EIF5A2: variants seen among roughly 807,000 people sequenced by gnomAD.
EIF5A2 encodes eukaryotic translation initiation factor 5A2, also known as eukaryotic translation initiation factor 5A-2.
EIF5A2 carries 15 observed loss-of-function variants against 16.4 expected under a neutral mutation model. That is an observed-to-expected ratio of 0.92 (90% CI 0.61 to 1.41). The LOEUF is 1.41. Ranked by LOEUF, EIF5A2 falls within the 40% of genes most tolerant of loss-of-function variation. EIF5A2 has a pLI of 0.00. For synonymous variants in EIF5A2, 48 were observed against 61.1 expected (o/e 0.79, Z 1.00); for missense variants, 144 against 189.5 (o/e 0.76, Z 1.41).
Position 170,891,376 on chromosome 3 carries a change from C to A in EIF5A2, c.*1984G>T, listed in dbSNP as rs998611765. On this transcript the variant is annotated 3_prime_UTR_variant, in exon 5 of 5. Transcript: ENST00000295822. ...TAATTTTAATTGTGCTTTAGATGGG[C>A]AAAAGCTAAAATGTTGTAGGAAAGA... The A allele has an allele frequency of 5.9e-5, 9 of 152,560 alleles. No homozygotes were observed. Among genetic ancestry groups the A allele is most frequent in the African/African-American group, 1.9e-4 (8 of 41,438 alleles). 9.5% of individuals were successfully genotyped at this position (152,560 alleles called of 1,614,324 possible). A position where few individuals can be genotyped will look rare whatever the true frequency, so the allele number is the denominator to read the frequency against.
chr3:170,904,944 A>G (rs1712901154), intron 3 of EIF5A2, among the ~76,000 whole-genome samples: 1 of 152,206 alleles, frequency 6.6e-6, no homozygotes, highest in African/African-American at 2.4e-5. Flanking sequence ...TCACACAGCT[A>G]TTAAGTGCCA....
At position 170,890,937 on chromosome 3, in the gene EIF5A2, T is replaced by A. The variant is rs1712518948; in HGVS notation, c.*2423A>T. 1 of 152,582 alleles carries A rather than the reference T, an allele frequency of 6.6e-6. No homozygotes were observed. Among genetic ancestry groups the A allele is most frequent in the Admixed American group, 6.5e-5 (1 of 15,268 alleles). The allele number at this position is 152,582 out of a possible 1,614,324, so 9.5% of individuals were successfully genotyped here. A position where few individuals can be genotyped will look rare whatever the true frequency, so the allele number is the denominator to read the frequency against. On this transcript the variant is annotated 3_prime_UTR_variant, in exon 5 of 5. Coordinates refer to ENST00000295822, the MANE Select transcript of EIF5A2 (RefSeq NM_020390.6). ...TCTATTGACTTATGTGAAAATAAAG[T>A]CCCATATCTTTAAAATCTATACTTA...
At chr3:170,896,025 T>A (rs1271594531) in intron 3 of EIF5A2, among the ~76,000 whole-genome samples, 1 of 152,242 alleles carries the variant, frequency 6.6e-6, no homozygotes, top group Non-Finnish European at 1.5e-5. Flanking sequence ...ATCTTTCTGA[T>A]TTCTGTTCTT....
chr3:170,901,222 GT>G (rs1290764517), intron 3 of EIF5A2, among the ~76,000 whole-genome samples: 2 of 152,280 alleles, frequency 1.3e-5, no homozygotes, highest in East Asian at 3.9e-4. Context: ...AATCACACTG[GT>G]AATTGTTGAA....
rs1247778629 is a variant in EIF5A2, at chr3:170,889,255, T to A, written c.*4105A>T. ...CAGGCACTTGACCTCACTTGGTAGC[T>A]AAGTTGGTGTTCAGATGTTTGTTTA... On this transcript the variant is annotated 3_prime_UTR_variant, in exon 5 of 5. Coordinates refer to ENST00000295822, the MANE Select transcript of EIF5A2 (RefSeq NM_020390.6). The A allele has an allele frequency of 1.3e-5, 2 of 152,464 alleles. No individual in the cohort carries two copies. The highest frequency in any genetic ancestry group is 3.9e-4 in the East Asian group (2 of 5,192). The allele number at this position is 152,464 out of a possible 1,614,324, so 9.4% of individuals were successfully genotyped here.
intron 3 of EIF5A2, among the ~76,000 whole-genome samples, chr3:170,906,134 G>A (rs1410355192): frequency 1.3e-5 from 2 of 152,088 alleles, no homozygotes; most frequent in African/African-American, 4.8e-5. Context: ...AGTTTAAGTC[G>A]GATAAAACAA....
In EIF5A2 at chr3:170,893,370, G is replaced by A. The variant is rs760874076; in HGVS notation, c.452C>T (p.Pro151Leu). 8.1e-6 allele frequency: 13 copies of A among 1,613,630 alleles called. No homozygotes were observed. Among genetic ancestry groups the A allele is most frequent in the Middle Eastern group, 1.6e-4 (1 of 6,078 alleles). Residue 151 changes from proline (P) to leucine (L), a missense_variant, in exon 5 of 5, where the codon CCC becomes CTC. Pro to Leu is a moderately conservative substitution (Grantham distance 98, BLOSUM62 -3). Coordinates refer to ENST00000295822, the MANE Select transcript of EIF5A2 (RefSeq NM_020390.6). ...MSEEYAVAIKPCK is the reference protein window; with the variant it reads ...MSEEYAVAIKLCK ...GCCTGATGTTTCCGTTTATTTGCAG[G>A]GTTTTATGGCTACAGCATATTCTTC...
At chr3:170,900,154 T>A (rs1712774415) in intron 3 of EIF5A2, among the ~76,000 whole-genome samples, 1 of 151,918 alleles carries the variant, frequency 6.6e-6, no homozygotes, top group East Asian at 1.9e-4. Flanking sequence ...GCGGATCATT[T>A]GAGGTCAGGA....
Position 170,899,867 on chromosome 3 carries a change from A to G in EIF5A2, c.271-5444T>C, listed in dbSNP as rs116161124. Among the ~76,000 whole-genome samples, 1,307 of 152,134 alleles carry G rather than the reference A, an allele frequency of 8.6e-3. 22 individuals are homozygous for G. The highest frequency in any genetic ancestry group is 0.029 in the African/African-American group (1,194 of 41,494). On this transcript the variant is annotated intron_variant, in intron 3 of 4. Transcript: ENST00000295822. ...GGATGGTAAGGAAATTGTTGTAAGT[A>G]TCTTCTTCTGGTCCTTTACCTTTAA...
intron 3 of EIF5A2, among the ~76,000 whole-genome samples, chr3:170,901,664 A>C (rs949511700): frequency 1.3e-5 from 2 of 150,222 alleles, no homozygotes; most frequent in African/African-American, 4.9e-5. Flanking sequence ...GTGGTCTCGA[A>C]CTCCTGATCT....
chr3:170,898,032 G>A (rs1453500323), intron 3 of EIF5A2, among the ~76,000 whole-genome samples: 2 of 152,212 alleles, frequency 1.3e-5, no homozygotes, highest in African/African-American at 4.8e-5. Flanking sequence ...TACCCTGCTA[G>A]GTTTCGGACT....
intron 3 of EIF5A2, among the ~76,000 whole-genome samples, chr3:170,898,261 G>A (rs964226227): frequency 6.6e-6 from 1 of 152,180 alleles, no homozygotes; most frequent in Non-Finnish European, 1.5e-5. Flanking sequence ...AGGGACTGTT[G>A]AGAAGGCATG....
At chr3:170,908,089 T>C (rs377097478) in intron 1 of EIF5A2, among the ~76,000 whole-genome samples, 116 of 152,256 alleles carry the variant, frequency 7.6e-4, no homozygotes, top group Middle Eastern at 3.4e-3. Context: ...TGGGCGCTCC[T>C]CCGTGCTGGA....
rs1194516019 is a variant in EIF5A2 at position 170,892,067 on chromosome 3, A to G, written c.*1293T>C. 1 of 152,642 alleles carries G rather than the reference A, an allele frequency of 6.6e-6. No homozygotes were observed. Among genetic ancestry groups the G allele is most frequent in the Non-Finnish European group, 1.5e-5 (1 of 68,048 alleles). The allele number at this position is 152,642 out of a possible 1,614,324, so 9.5% of individuals were successfully genotyped here. On this transcript the variant is annotated 3_prime_UTR_variant, in exon 5 of 5. Transcript: ENST00000295822. The stretch of plus-strand genomic sequence containing the variant: ...GACATAAAATTAACAAAAATTCCAA[A>G]TCAATTTAAGGAATTCTCAGTTTTT...
In EIF5A2 at chr3:170,906,866, G is replaced by A. The variant is rs1274544034; in HGVS notation, c.270+123C>T. ...TTCTCCAATTTCTAAGATAGCTGGT[G>A]CCTAATAATTGGTTAGAAAAACCTA... On this transcript the variant is annotated intron_variant, in intron 3 of 4. Transcript: ENST00000295822. 4 of 530,848 alleles carry A rather than the reference G, an allele frequency of 7.5e-6. No individual in the cohort carries two copies. In the African/African-American group the frequency reaches 7.7e-5, roughly 10 times the overall value. 32.9% of individuals were successfully genotyped at this position (530,848 alleles called of 1,614,324 possible).
chr3:170,908,196 G>A (rs1233728021), intron 1 of EIF5A2, among the ~76,000 whole-genome samples: 2 of 152,184 alleles, frequency 1.3e-5, no homozygotes, highest in Admixed American at 6.5e-5. Context: ...TACTGCGGGG[G>A]ACCCAGCCCA....
chr3:170,894,358 A>G lies in EIF5A2; in HGVS notation c.336T>C (p.Leu112=), dbSNP rs747281528. 4 of 1,614,066 alleles carry G rather than the reference A, an allele frequency of 2.5e-6. No homozygotes were observed. ...LTETGEVRED[L]KLPEGELGKE... is the part of the protein sequence containing the mutation. ...TGCCTAGTTCACCTTCTGGCAGTTT[A>G]AGATCCTCACGAACTTCACCAGTTT... The change falls in exon 4 of 5, where the codon CTT becomes CTC. Residue 112 remains leucine, a synonymous_variant. Transcript: ENST00000295822.
rs1463021799 is a variant in EIF5A2 at position 170,908,580 on chromosome 3, C to G, written c.-73G>C. 6.5e-6 allele frequency: 1 copy of G among 152,842 alleles called. No homozygotes were observed. Among genetic ancestry groups the G allele is most frequent in the African/African-American group, 2.4e-5 (1 of 41,480 alleles). 9.5% of individuals were successfully genotyped at this position (152,842 alleles called of 1,614,324 possible). On this transcript the variant is annotated 5_prime_UTR_variant, in exon 1 of 5. Coordinates refer to ENST00000295822, the MANE Select transcript of EIF5A2 (RefSeq NM_020390.6). ...AAAGAGCGCCTTTCGTCTGCGCACC[C>G]GCGCTGGTCCCCTACAGCAGCGGCG...
rs1712457435 is a variant in EIF5A2, at chr3:170,889,048, C to CTGTTTTTT, written c.*4311_*4312insAAAAAACA. Reference sequence around the variant, plus strand: ...ACTTCATATAAATACAATAACCTGTCTTTTTTTTTTTTTTTTTTTTTTTGT... The same window carrying CTGTTTTTT: ...ACTTCATATAAATACAATAACCTGTCTGTTTTTTTTTTTTTTTTTTTTTTTTTTTTTGT... On this transcript the variant is annotated 3_prime_UTR_variant, in exon 5 of 5. Coordinates refer to ENST00000295822, the MANE Select transcript of EIF5A2 (RefSeq NM_020390.6). 2 of 96,182 alleles carry CTGTTTTTT rather than the reference C, an allele frequency of 2.1e-5. No individual in the cohort carries two copies. Among genetic ancestry groups the CTGTTTTTT allele is most frequent in the African/African-American group, 4.1e-5 (1 of 24,294 alleles). 6.0% of individuals were successfully genotyped at this position (96,182 alleles called of 1,614,324 possible). A position where few individuals can be genotyped will look rare whatever the true frequency, so the allele number is the denominator to read the frequency against.
Sources: gnomAD v4.1 joint callset for allele counts (sites outside exome capture counted in the v4.1 genomes callset) on GRCh38, gnomAD v4.1.1 for gene constraint, MANE v1.5 for transcripts, NCBI Gene and HGNC (gene_info 2026-07-23, HGNC 2026-07-21) for gene names.